Variants in ABCA4 observed in about 807,000 individuals in gnomAD.
The protein encoded by ABCA4 is retinal-specific phospholipid-transporting ATPase ABCA4.
ABCA4 carries 196 observed loss-of-function variants against 263.7 expected under a neutral mutation model. The observed-to-expected ratio is 0.74, with a 90% CI of 0.66 to 0.84. The LOEUF (loss-of-function observed/expected upper bound fraction) is 0.84, where lower values mean the gene tolerates loss of function less well. Ranked by LOEUF, ABCA4 falls within the 40% of genes least tolerant of loss-of-function variation. ABCA4 has a pLI of 0.00. For synonymous variants in ABCA4, 1,133 were observed against 1,094.2 expected, an observed-to-expected ratio of 1.04 and a Z score of -0.70; for missense variants, 2,792 against 2,855.1, an observed-to-expected ratio of 0.98 and a Z score of 0.50.
At chr1:94,090,793 G>A (rs568579726) in intron 6 of ABCA4, among the ~76,000 whole-genome samples, 5 of 152,298 alleles carry the variant, frequency 3.3e-5, no homozygotes, top group Middle Eastern at 3.4e-3. Context: ...AATACGTGTT[G>A]TGGTAATTAA....
rs116825337 is a variant in ABCA4, at chr1:94,027,384, C to T, written c.4539+2061G>A. Among the ~76,000 whole-genome samples the T allele has an allele frequency of 2.8e-3, 425 of 152,306 alleles. No individual in the cohort carries two copies. Among genetic ancestry groups the T allele is most frequent in the African/African-American group, 9.8e-3 (409 of 41,550 alleles). ...TCGCCCTGGCCAAGAGCTCAGGGTA[C>T]AGTATCACAGCCTTGACGTCCTGAT... On this transcript the variant is annotated intron_variant, in intron 30 of 49. Coordinates refer to ENST00000370225, the MANE Select transcript of ABCA4 (RefSeq NM_000350.3).
At chr1:94,078,356 G>A (rs759237288) in intron 10 of ABCA4, among the ~76,000 whole-genome samples, 2 of 152,120 alleles carry the variant, frequency 1.3e-5, no homozygotes, top group Non-Finnish European at 2.9e-5. Flanking sequence ...GGAAGCCACT[G>A]GTCTTGTGGC....
Position 93,992,847 on chromosome 1 carries a change from G to GTGCATT in ABCA4, c.*384_*389dup, listed in dbSNP as rs1462115103. On this transcript the variant is annotated 3_prime_UTR_variant, in exon 50 of 50. Transcript: ENST00000370225. ...TGTGAATTAGGATAGTTTGTGATGAGTGCATTTGCATTTTATTTTTCCATG... is the reference window on the plus strand; with the variant it reads ...TGTGAATTAGGATAGTTTGTGATGAGTGCATTTGCATTTGCATTTTATTTTTCCATG... 2 of 324,700 alleles carry GTGCATT rather than the reference G, an allele frequency of 6.2e-6. No homozygotes were observed. The highest frequency in any genetic ancestry group is 4.3e-5 in the African/African-American group (2 of 46,938). The allele number at this position is 324,700 out of a possible 1,614,324, so 20.1% of individuals were successfully genotyped here. A position where few individuals can be genotyped will look rare whatever the true frequency, so the allele number is the denominator to read the frequency against.
intron 15 of ABCA4, among the ~76,000 whole-genome samples, chr1:94,056,311 T>G (rs1021643925): frequency 2.0e-5 from 3 of 152,240 alleles, no homozygotes; most frequent in Non-Finnish European, 2.9e-5. Context: ...TGAAATGGGC[T>G]GCTGGCTCTC....
intron 3 of ABCA4, among the ~76,000 whole-genome samples, chr1:94,110,908 G>C (rs966579003): frequency 6.6e-6 from 1 of 152,158 alleles, no homozygotes; most frequent in Non-Finnish European, 1.5e-5. Context: ...ACTCCAGGGG[G>C]CCGATGGCAA....
At chr1:94,107,456 C>T (rs1473276073) in intron 4 of ABCA4, among the ~76,000 whole-genome samples, 1 of 152,224 alleles carries the variant, frequency 6.6e-6, no homozygotes, top group African/African-American at 2.4e-5. Flanking sequence ...CACAGAGGAG[C>T]CTACTACACA....
chr1:94,001,992 C>G lies in ABCA4; in HGVS notation c.6148G>C (p.Val2050Leu), dbSNP rs41292677. The change falls in exon 45 of 50, where the codon GTT (valine) becomes CTT (leucine). Residue 2050 changes from valine (V) to leucine (L), a missense_variant and splice_region_variant. By Grantham distance (32) the Val-to-Leu change is conservative. Coordinates refer to ENST00000370225, the MANE Select transcript of ABCA4 (RefSeq NM_000350.3). ...AGGCTCTTAATACTCCAGTTTGCAA[C>G]CTAGGGAAGAGAAAGAAATGCCATT... ...RGVPAEEIEK[V>L]ANWSIKSLGL... The G allele has an allele frequency of 3.6e-3, 5,886 of 1,614,142 alleles. 13 individuals are homozygous for G. Among genetic ancestry groups the G allele is most frequent in the Admixed American group, 6.7e-3 (404 of 60,022 alleles).
chr1:94,033,231 A>T (rs1660252142), intron 26 of ABCA4, among the ~76,000 whole-genome samples: 1 of 152,028 alleles, frequency 6.6e-6, no homozygotes, highest in Non-Finnish European at 1.5e-5. Context: ...ATCAGCCTGT[A>T]CAACATAGGG....
intron 16 of ABCA4, among the ~76,000 whole-genome samples, chr1:94,053,635 G>A (rs1240098017): frequency 1.3e-5 from 2 of 152,236 alleles, no homozygotes; most frequent in Admixed American, 1.3e-4. Context: ...CGAAGGATCA[G>A]CAGGAAGCAT....
At chr1:94,043,201 G>C in intron 21 of ABCA4, 135 bp downstream of exon 21, 1 of 1,312,770 alleles carries the variant, frequency 7.6e-7, no homozygotes, top group Non-Finnish European at 1.0e-6. Context: ...GCTGCTCTTA[G>C]ATTTTTGGTG....
rs766512063 is a variant in ABCA4 at position 94,108,688 on chromosome 1, C to G, written c.331G>C (p.Glu111Gln). The G allele has an allele frequency of 1.2e-6, 2 of 1,613,990 alleles. No individual in the cohort carries two copies. The highest frequency in any genetic ancestry group is 4.5e-5 in the East Asian group (2 of 44,882). Residue 111 changes from glutamate (E) to glutamine (Q), a missense_variant, in exon 4 of 50, where the codon GAA becomes CAA. Physicochemically the swap from Glu to Gln is conservative, Grantham distance 29. Coordinates refer to ENST00000370225, the MANE Select transcript of ABCA4 (RefSeq NM_000350.3). ...CTCTCTGGTGCATTCATGAGGAGTT[C>G]TTGAAAATCTCGATATACCCTTGCC... ...ILARVYRDFQ[E>Q]LLMNAPESQH...
chr1:94,023,417 A>T lies in ABCA4; in HGVS notation c.4636T>A (p.Leu1546Ile). Residue 1546 changes from leucine to isoleucine, a missense_variant and splice_region_variant, in exon 32 of 50, where the codon TTA becomes ATA. Leu to Ile is a conservative substitution (Grantham distance 5). Transcript: ENST00000370225. ...TCATTGACCCAGAATTTGCTCTTTAAGCTGAAAGCCAAAATAAAATAATGC... is the reference window on the plus strand; with the variant it reads ...TCATTGACCCAGAATTTGCTCTTTATGCTGAAAGCCAAAATAAAATAATGC... The part of the protein sequence containing the change: ...KTYPALIRSS[L>I]KSKFWVNEQR... 6.2e-7 allele frequency: 1 copy of T among 1,608,730 alleles called. No homozygotes were observed. The highest frequency in any genetic ancestry group is 8.5e-7 in the Non-Finnish European group (1 of 1,175,290).
chr1:94,028,408 T>C (rs1190321788), intron 30 of ABCA4, among the ~76,000 whole-genome samples: 1 of 152,218 alleles, frequency 6.6e-6, no homozygotes. Flanking sequence ...AGATCATTAA[T>C]GTCCCTGCAA....
At chr1:94,064,756 G>C (rs1302533145) in intron 11 of ABCA4, among the ~76,000 whole-genome samples, 1 of 152,104 alleles carries the variant, frequency 6.6e-6, no homozygotes, top group South Asian at 2.1e-4. Context: ...GGGACCGGAC[G>C]GTTTGCCCTG....
Position 94,005,506 on chromosome 1 carries a change from T to C in ABCA4, c.6082A>G (p.Thr2028Ala). ...PQFDAIDELLTGREHLYLYAR... is the reference protein window; with the variant it reads ...PQFDAIDELLAGREHLYLYAR... ...TAAAGGTAAAGATGTTCTCGTCCTG[T>C]GAGCAGCTCATCAATTGCATCAAAC... The change falls in exon 44 of 50, where the codon ACA becomes GCA. Residue 2028 changes from threonine to alanine, a missense_variant. Transcript: ENST00000370225. 1 of 1,614,168 alleles carries C rather than the reference T, an allele frequency of 6.2e-7. No homozygotes were observed. The highest frequency in any genetic ancestry group is 8.5e-7 in the Non-Finnish European group (1 of 1,180,008).
intron 36 of ABCA4, chr1:94,019,325 A>C: frequency 2.2e-6 from 1 of 461,634 alleles, no homozygotes; most frequent in Non-Finnish European, 4.0e-6. Flanking sequence ...AAGACCCCTC[A>C]GTGCAGGACA....
chr1:94,061,857 A>G (rs1391641997), intron 13 of ABCA4, among the ~76,000 whole-genome samples: 2 of 152,242 alleles, frequency 1.3e-5, no homozygotes, highest in Non-Finnish European at 2.9e-5. Context: ...TCCTGTGTCC[A>G]CACTGAGTTT....
In ABCA4 at chr1:94,000,780, A is replaced by G. The variant is rs2100993443; in HGVS notation, c.6479+56T>C. 5.2e-6 allele frequency: 8 copies of G among 1,535,122 alleles called. 1 individual carries two copies. In the South Asian group the frequency reaches 7.8e-5, roughly 15 times the overall value. Reference sequence around the variant, plus strand: ...TCTTCCAAGTGTCAATGGAGAACACAGGATCCAGGTGGATCCACAGAAGGC... The same window carrying G: ...TCTTCCAAGTGTCAATGGAGAACACGGGATCCAGGTGGATCCACAGAAGGC... On this transcript the variant is annotated intron_variant, in intron 47 of 49. Coordinates refer to ENST00000370225, the MANE Select transcript of ABCA4 (RefSeq NM_000350.3).
At chr1:93,998,844 T>C (rs565024226) in intron 47 of ABCA4, among the ~76,000 whole-genome samples, 79 of 151,852 alleles carry the variant, frequency 5.2e-4, no homozygotes, top group African/African-American at 1.6e-3. Flanking sequence ...GTTCAAGCAA[T>C]TCTCCTGCCT....
Sources: gnomAD v4.1 joint callset for allele counts (sites outside exome capture counted in the v4.1 genomes callset) on GRCh38, gnomAD v4.1.1 for gene constraint, MANE v1.5 for transcripts, NCBI Gene and HGNC (gene_info 2026-07-23, HGNC 2026-07-21) for gene names.